Variants in SRBD1 observed in about 807,000 individuals in gnomAD.
SRBD1 encodes the protein S1 RNA-binding domain-containing protein 1.
Under a neutral mutation model 115.3 loss-of-function variants are expected in SRBD1, and 88 were observed. That is an observed-to-expected ratio of 0.76 (90% confidence interval 0.64 to 0.91). The LOEUF is 0.91. Among genes scored for constraint, SRBD1 ranks in the 40% least tolerant of loss-of-function variants. The pLI, the probability that SRBD1 is intolerant of heterozygous loss-of-function variation, is 0.00. For synonymous variants in SRBD1, 509 were observed against 407.7 expected (o/e 1.25, Z -2.99); for missense variants, 1,385 against 1,177.4 (o/e 1.18, Z -2.58).
intron 14 of SRBD1, among the ~76,000 whole-genome samples, chr2:45,504,087 G>A (rs1178189789): frequency 6.6e-6 from 1 of 152,048 alleles, no homozygotes; most frequent in Non-Finnish European, 1.5e-5. Context: ...GGATCTTATT[G>A]ATAACATAAA....
chr2:45,515,648 C>T (rs760330545), intron 14 of SRBD1, among the ~76,000 whole-genome samples: 21 of 152,278 alleles, frequency 1.4e-4, no homozygotes, highest in Non-Finnish European at 2.5e-4. Context: ...GACTCTACCA[C>T]CATGACAACC....
intron 3 of SRBD1, among the ~76,000 whole-genome samples, chr2:45,600,844 C>A (rs1674069982): frequency 6.6e-6 from 1 of 152,204 alleles, no homozygotes; most frequent in South Asian, 2.1e-4. Context: ...ATTCTATCTT[C>A]TCTTTTATCA....
intron 2 of SRBD1, 92 bp from the exon 3 acceptor site, chr2:45,602,175 A>G (rs1004015830): frequency 4.3e-6 from 6 of 1,409,646 alleles, no homozygotes; most frequent in African/African-American, 2.9e-5. Flanking sequence ...AAAATGATAA[A>G]GTAGGAGGTG....
chr2:45,426,229 G>A (rs1011694779), intron 16 of SRBD1, among the ~76,000 whole-genome samples: 1 of 152,192 alleles, frequency 6.6e-6, no homozygotes, highest in Non-Finnish European at 1.5e-5. Flanking sequence ...AAATAAAGCT[G>A]CAGTGAAGTT....
chr2:45,475,093 T>C (rs1171297994), intron 16 of SRBD1, among the ~76,000 whole-genome samples: 1 of 152,166 alleles, frequency 6.6e-6, no homozygotes, highest in Non-Finnish European at 1.5e-5. Flanking sequence ...TTGGATTTCT[T>C]ATAGGCATCT....
chr2:45,562,559 G>T, intron 10 of SRBD1, 94 bp downstream of exon 10: 1 of 984,590 alleles, frequency 1.0e-6, no homozygotes, highest in South Asian at 2.3e-5. Context: ...AAATGTTCAC[G>T]TAATAGACAT....
At chr2:45,502,147 G>C (rs552146575) in intron 14 of SRBD1, among the ~76,000 whole-genome samples, 85 of 152,296 alleles carry the variant, frequency 5.6e-4, no homozygotes, top group African/African-American at 1.9e-3. Flanking sequence ...TGGCTGTTCT[G>C]CAGCCTCTGC....
At position 45,562,923 on chromosome 2, in the gene SRBD1, T is replaced by C. The variant is rs540419435; in HGVS notation, c.1306-167A>G. Among the ~76,000 whole-genome samples, 5 of 152,272 alleles carry C rather than the reference T, an allele frequency of 3.3e-5. No individual in the cohort carries two copies. In the East Asian group the frequency reaches 9.6e-4, roughly 29 times the overall value. Reference sequence around the variant, plus strand: ...TTTTTCAAGTAACATACCTCCCACATAAGGAAAACCCTAACATGCTCTTAG... The same window carrying C: ...TTTTTCAAGTAACATACCTCCCACACAAGGAAAACCCTAACATGCTCTTAG... On this transcript the variant is annotated intron_variant, in intron 9 of 20. Transcript: ENST00000263736.
At chr2:45,591,228 C>T (rs1012217316) in intron 4 of SRBD1, among the ~76,000 whole-genome samples, 8 of 152,160 alleles carry the variant, frequency 5.3e-5, no homozygotes, top group African/African-American at 1.9e-4. Flanking sequence ...GATCAGATGG[C>T]AACATGCAGA....
At chr2:45,581,862 T>C in intron 5 of SRBD1, 52 bp from the exon 6 acceptor site, 1 of 1,422,520 alleles carries the variant, frequency 7.0e-7, no homozygotes. Flanking sequence ...AAAACTTTCT[T>C]TTCAAAGCTA....
intron 18 of SRBD1, 62 bp from the exon 19 acceptor site, chr2:45,413,355 A>C: frequency 1.3e-6 from 2 of 1,547,110 alleles, no homozygotes; most frequent in Non-Finnish European, 1.7e-6. Context: ...AAAAGTCTTC[A>C]AATTAAAATG....
intron 19 of SRBD1, among the ~76,000 whole-genome samples, chr2:45,401,272 T>G (rs147069019): frequency 5.5e-3 from 831 of 152,258 alleles, no homozygotes; most frequent in Middle Eastern, 0.01. Context: ...ATAGAGAGAC[T>G]GCTGTATCTT....
At chr2:45,540,711 T>G (rs1308146478) in intron 14 of SRBD1, among the ~76,000 whole-genome samples, 1 of 152,116 alleles carries the variant, frequency 6.6e-6, no homozygotes, top group African/African-American at 2.4e-5. Context: ...ATGCAAAGAT[T>G]TGAACAGATA....
chr2:45,480,959 T>G (rs931420397), intron 15 of SRBD1, among the ~76,000 whole-genome samples: 1 of 152,130 alleles, frequency 6.6e-6, no homozygotes, highest in Non-Finnish European at 1.5e-5. Flanking sequence ...GCAGACTACT[T>G]CATTGTTGTC....
chr2:45,406,489 G>C (rs559486711), intron 19 of SRBD1, among the ~76,000 whole-genome samples: 1 of 152,078 alleles, frequency 6.6e-6, no homozygotes, highest in Admixed American at 6.6e-5. Context: ...TATAACATGG[G>C]TTCTCTTGCC....
rs748135952 is a variant in SRBD1, at chr2:45,588,992, T to C, written c.649-3218A>G. ...TATTCTCTATCACATCCATCTACTC[T>C]GTCACCAAGGAGGCAAACAGAACTT... On this transcript the variant is annotated intron_variant, in intron 4 of 20. Coordinates refer to ENST00000263736, the MANE Select transcript of SRBD1 (RefSeq NM_018079.5). Among the ~76,000 whole-genome samples, 89 of 152,192 alleles carry C rather than the reference T, an allele frequency of 5.8e-4. 1 individual carries two copies. Among genetic ancestry groups the C allele is most frequent in the Non-Finnish European group, 8.8e-5 (6 of 68,038 alleles).
At chr2:45,440,038 G>T (rs1025923580) in intron 16 of SRBD1, among the ~76,000 whole-genome samples, 1 of 152,026 alleles carries the variant, frequency 6.6e-6, no homozygotes, top group African/African-American at 2.4e-5. Flanking sequence ...AAAGTATTTT[G>T]TAAAGCCAGA....
At chr2:45,421,576 A>C (rs1035800540) in intron 16 of SRBD1, among the ~76,000 whole-genome samples, 1 of 150,300 alleles carries the variant, frequency 6.7e-6, no homozygotes, top group African/African-American at 2.4e-5. Context: ...CAATTGATGA[A>C]ATGCAATATT....
intron 16 of SRBD1, among the ~76,000 whole-genome samples, chr2:45,474,238 G>A (rs1169813916): frequency 6.6e-6 from 1 of 152,018 alleles, no homozygotes; most frequent in Non-Finnish European, 1.5e-5. Flanking sequence ...ATTACTTTTT[G>A]TTTATTAAGT....
Sources: allele counts gnomAD v4.1 joint callset (sites outside exome capture counted in the v4.1 genomes callset), GRCh38; gene constraint gnomAD v4.1.1; transcripts MANE v1.5; gene names NCBI Gene and HGNC (gene_info 2026-07-23, HGNC 2026-07-21).